The following FRMD3 variants were observed in gnomAD, a reference collection of about 807,000 sequenced individuals.
The protein encoded by FRMD3 is FERM domain containing 3.
FRMD3 carries 33 observed loss-of-function variants against 70.2 expected under a neutral mutation model. The ratio of observed to expected loss-of-function variants is 0.47; its 90% CI spans 0.36 to 0.63. The LOEUF (loss-of-function observed/expected upper bound fraction) is 0.63, where lower values mean the gene tolerates loss of function less well. Ranked by LOEUF, FRMD3 falls within the 20% of genes least tolerant of loss-of-function variation. The pLI, the probability that FRMD3 is intolerant of heterozygous loss-of-function variation, is 0.00. For missense variants in FRMD3, 632 were observed against 711.4 expected (o/e 0.89, Z 1.27); for synonymous variants, 279 against 255.9 (o/e 1.09, Z -0.86).
At chr9:83,373,068 T>A in intron 2 of FRMD3, 113 bp from the exon 3 acceptor site, 1 of 820,176 alleles carries the variant, frequency 1.2e-6, no homozygotes, top group South Asian at 1.5e-5. Context: ...CCATAGATAC[T>A]CTCCAGAATT....
intron 13 of FRMD3, among the ~76,000 whole-genome samples, chr9:83,287,158 T>C (rs1255727425): frequency 6.6e-6 from 1 of 152,202 alleles, no homozygotes; most frequent in East Asian, 1.9e-4. Context: ...GCTCCTCCAG[T>C]GGTTCCTGTG....
intron 1 of FRMD3, among the ~76,000 whole-genome samples, chr9:83,493,098 C>T (rs576126136): frequency 6.6e-5 from 10 of 152,270 alleles, no homozygotes; most frequent in African/African-American, 2.2e-4. Flanking sequence ...GAACACTCCC[C>T]TCCCCAAAAA....
chr9:83,313,933 G>A (rs1056638624), intron 6 of FRMD3, among the ~76,000 whole-genome samples, 186 bp from the exon 7 acceptor site: 2 of 152,200 alleles, frequency 1.3e-5, no homozygotes, highest in Non-Finnish European at 2.9e-5. Flanking sequence ...ACCCGAGCTT[G>A]TGTTCTCTAG....
chr9:83,455,689 T>C (rs1827799048), intron 1 of FRMD3, among the ~76,000 whole-genome samples: 1 of 152,174 alleles, frequency 6.6e-6, no homozygotes, highest in Non-Finnish European at 1.5e-5. Context: ...TTTAAAAACT[T>C]ACCTAATGTT....
chr9:83,280,738 T>C lies in FRMD3; in HGVS notation c.1195+9865A>G, dbSNP rs142907072. Among the ~76,000 whole-genome samples, 7 of 152,360 alleles carry C rather than the reference T, an allele frequency of 4.6e-5. No homozygotes were observed. The East Asian group carries it at 9.6e-4, about 21-fold the overall frequency. ...ACATGTATATCTGTCATTGTATATA[T>C]GCACATTATAAAACCTATACAACAG... On this transcript the variant is annotated intron_variant, in intron 13 of 13. Transcript: ENST00000304195.
intron 6 of FRMD3, among the ~76,000 whole-genome samples, chr9:83,319,689 G>C (rs1564013337): frequency 6.6e-6 from 1 of 152,176 alleles, no homozygotes; most frequent in Non-Finnish European, 1.5e-5. Flanking sequence ...AACCCAGTGG[G>C]AGATGATTGA....
At chr9:83,431,395 C>A (rs1826971889) in intron 1 of FRMD3, among the ~76,000 whole-genome samples, 1 of 152,172 alleles carries the variant, frequency 6.6e-6, no homozygotes, top group African/African-American at 2.4e-5. Context: ...CCTCCAAAAT[C>A]ATCTTTGTTT....
chr9:83,321,457 C>T lies in FRMD3; in HGVS notation c.597-7710G>A, dbSNP rs149808330. ...CATCCAGTGATCATTCAGGAGCATG[C>T]CGTTTAATTTATATGTATTGTACAG... On this transcript the variant is annotated intron_variant, in intron 6 of 13. Coordinates refer to ENST00000304195, the MANE Select transcript of FRMD3 (RefSeq NM_174938.6). 1.1e-3 allele frequency among the ~76,000 whole-genome samples: 172 copies of T among 152,142 alleles called. 1 individual carries two copies. In the East Asian group the frequency reaches 0.026, roughly 23 times the overall value.
At chr9:83,355,813 G>T (rs1344607638) in intron 3 of FRMD3, among the ~76,000 whole-genome samples, 1 of 152,218 alleles carries the variant, frequency 6.6e-6, no homozygotes, top group African/African-American at 2.4e-5. Context: ...AGCCATGTAA[G>T]TGCTAAAAAC....
Position 83,500,497 on chromosome 9 carries a change from TGC to T in FRMD3, c.147+37586_147+37587del, listed in dbSNP as rs200709035. ...GCCTGCATAGAGTGCTTGGCGTGTA[TGC>T]GCGCACACACACACACACACACACA... On this transcript the variant is annotated intron_variant, in intron 1 of 13. Coordinates refer to ENST00000304195, the MANE Select transcript of FRMD3 (RefSeq NM_174938.6). Among the ~76,000 whole-genome samples the T allele has an allele frequency of 6.3e-3, 435 of 68,530 alleles. 6 individuals carry two copies. The highest frequency in any genetic ancestry group is 7.7e-3 in the Non-Finnish European group (225 of 29,130). The allele number at this position is 68,530 out of a possible 152,430, so 45.0% of individuals were successfully genotyped here. A position where few individuals can be genotyped will look rare whatever the true frequency, so the allele number is the denominator to read the frequency against.
At chr9:83,389,023 G>C (rs1328570311) in intron 2 of FRMD3, among the ~76,000 whole-genome samples, 1 of 140,750 alleles carries the variant, frequency 7.1e-6, no homozygotes, top group Admixed American at 7.7e-5. Flanking sequence ...ACAGATCACT[G>C]CAGCCTTGAC....
At chr9:83,299,396 C>T (rs988931660) in intron 10 of FRMD3, among the ~76,000 whole-genome samples, 21 of 152,174 alleles carry the variant, frequency 1.4e-4, no homozygotes, top group Non-Finnish European at 2.2e-4. Flanking sequence ...ATATTTTCTA[C>T]GCTATTTCCT....
intron 6 of FRMD3, among the ~76,000 whole-genome samples, chr9:83,317,341 C>T (rs374268667): frequency 1.3e-4 from 20 of 152,132 alleles, no homozygotes; most frequent in African/African-American, 4.3e-4. Flanking sequence ...TTCACCCTAA[C>T]GACCCAGACC....
At chr9:83,350,314 A>G (rs546077534) in intron 3 of FRMD3, among the ~76,000 whole-genome samples, 1 of 152,258 alleles carries the variant, frequency 6.6e-6, no homozygotes, top group South Asian at 2.1e-4. Context: ...AAAGGCAGTC[A>G]CCTGTATGAA....
rs1564046888 is a variant in FRMD3, at chr9:83,378,263, T to TTTG, written c.253-5309_253-5308insCAA. ...GTCTAACTGTGTCCTTCTTTTTTGT[T>TTTG]TTTTTTGTTTTTTTTGAGACAGAGT... is the stretch of plus-strand genomic sequence containing the variant. On this transcript the variant is annotated intron_variant, in intron 2 of 13. Transcript: ENST00000304195. Among the ~76,000 whole-genome samples the TTTG allele has an allele frequency of 5.7e-5, 8 of 141,446 alleles. 1 individual carries two copies. Among genetic ancestry groups the TTTG allele is most frequent in the Admixed American group, 7.0e-5 (1 of 14,348 alleles). 92.8% of individuals were successfully genotyped at this position (141,446 alleles called of 152,430 possible). A position where few individuals can be genotyped will look rare whatever the true frequency, so the allele number is the denominator to read the frequency against.
chr9:83,361,455 G>C (rs1022904840), intron 3 of FRMD3, among the ~76,000 whole-genome samples: 1 of 152,146 alleles, frequency 6.6e-6, no homozygotes, highest in Non-Finnish European at 1.5e-5. Flanking sequence ...CTGGAGGCAG[G>C]GTTACAGCCA....
At position 83,304,114 on chromosome 9, in the gene FRMD3, C is replaced by T. The variant is rs370678513; in HGVS notation, c.927-4928G>A. Among the ~76,000 whole-genome samples, 35 of 152,190 alleles carry T rather than the reference C, an allele frequency of 2.3e-4. No individual in the cohort carries two copies. In the East Asian group the frequency reaches 6.0e-3, roughly 26 times the overall value. On this transcript the variant is annotated intron_variant, in intron 10 of 13. Transcript: ENST00000304195. Reference sequence around the variant, plus strand: ...ATGATATACCATTGTATGGATATACCGCATTTTGTTTATCCATTCATCATT... The same window carrying T: ...ATGATATACCATTGTATGGATATACTGCATTTTGTTTATCCATTCATCATT...
chr9:83,355,948 C>T, intron 3 of FRMD3, among the ~76,000 whole-genome samples: 1 of 152,190 alleles, frequency 6.6e-6, no homozygotes. Flanking sequence ...AGCTGCCAGA[C>T]AAGGGCTGGG....
the FRMD3 span, among the ~76,000 whole-genome samples, chr9:83,567,874 GTCT>G: frequency 6.6e-6 from 1 of 152,126 alleles, no homozygotes; most frequent in African/African-American, 2.4e-5. Context: ...ACATTTTCCT[GTCT>G]TCTTCTGAGC....
Sources: gnomAD v4.1 joint callset for allele counts (sites outside exome capture counted in the v4.1 genomes callset) on GRCh38, gnomAD v4.1.1 for gene constraint, MANE v1.5 for transcripts, NCBI Gene and HGNC (gene_info 2026-07-23, HGNC 2026-07-21) for gene names.